The following PTPRU variants were observed in gnomAD, a reference collection of about 807,000 sequenced individuals.
PTPRU encodes receptor-type tyrosine-protein phosphatase U.
Under a neutral mutation model 166.3 loss-of-function variants are expected in PTPRU, and 69 were observed. The observed-to-expected ratio is 0.41, with a 90% confidence interval of 0.34 to 0.51. The LOEUF (loss-of-function observed/expected upper bound fraction) is 0.51. PTPRU is among the 20% of genes least tolerant of loss of function. The pLI, the probability that PTPRU is intolerant of heterozygous loss-of-function variation, is 0.09. For synonymous variants in PTPRU, 793 were observed against 814.0 expected (o/e 0.97, Z 0.44); for missense variants, 1,657 against 2,013.7 (o/e 0.82, Z 3.39).
intron 15 of PTPRU, among the ~76,000 whole-genome samples, chr1:29,302,151 ATGTGTG>A (rs138316498): frequency 0.016 from 2,216 of 142,298 alleles, 68 homozygotes; most frequent in African/African-American, 0.054. Flanking sequence ...GCTAATGTGT[ATGTGTG>A]TGTGTGTGTG....
At position 29,280,675 on chromosome 1, in the gene PTPRU, GTGTGTA is replaced by G; in HGVS notation, c.1868+539_1868+544del. ...TGTGTGTGTGTGTGTGTGTGTGTGT[GTGTGTA>G]TGTGGGATGTGAAACTGGGTGTGTC... is the stretch of plus-strand genomic sequence containing the variant. On this transcript the variant is annotated intron_variant, in intron 11 of 29. Transcript: ENST00000373779. This position sits in a 1 kb window ranked among gnomAD's most constrained non-coding sequence, Gnocchi z 4.2. Among the ~76,000 whole-genome samples the G allele has an allele frequency of 1.3e-5, 2 of 151,898 alleles. No individual in the cohort carries two copies. The highest frequency in any genetic ancestry group is 3.4e-3 in the Middle Eastern group (1 of 294).
In PTPRU at chr1:29,274,639, A is replaced by C. The variant is rs1224296261; in HGVS notation, c.1145-809A>C. Among the ~76,000 whole-genome samples the C allele has an allele frequency of 4.6e-5, 7 of 152,318 alleles. No homozygotes were observed. The East Asian group carries it at 1.3e-3, about 29-fold the overall frequency. On this transcript the variant is annotated intron_variant, in intron 7 of 29. Coordinates refer to ENST00000373779, the MANE Select transcript of PTPRU (RefSeq NM_133178.4). ...TATTATATTATATGTATTACTATAC[A>C]TTGTTTCAGAACAAGTTTGGAATTA...
At chr1:29,293,319 G>A (rs1436070678) in intron 15 of PTPRU, among the ~76,000 whole-genome samples, 1 of 151,816 alleles carries the variant, frequency 6.6e-6, no homozygotes, top group East Asian at 2.0e-4. Context: ...CACCATGTTA[G>A]CCACGCTGTT....
chr1:29,301,105 C>A (rs1274235360), intron 15 of PTPRU, among the ~76,000 whole-genome samples: 1 of 152,096 alleles, frequency 6.6e-6, no homozygotes, highest in Admixed American at 6.5e-5. Context: ...CTGGACCCTG[C>A]CAGCTTAGAT....
intron 1 of PTPRU, among the ~76,000 whole-genome samples, chr1:29,247,527 G>A (rs748516721): frequency 2.6e-5 from 4 of 152,282 alleles, no homozygotes; most frequent in Admixed American, 6.5e-5. Flanking sequence ...CACACTGCTC[G>A]GGTTTGTGCA....
In PTPRU at chr1:29,238,452, G is replaced by A. The variant is rs886435154; in HGVS notation, c.73+1735G>A. Among the ~76,000 whole-genome samples the A allele has an allele frequency of 1.3e-5, 2 of 152,174 alleles. No homozygotes were observed. Among genetic ancestry groups the A allele is most frequent in the African/African-American group, 2.4e-5 (1 of 41,454 alleles). ...GATCCGAGCCGAGACACGTGCTGGA[G>A]CGGAGCCGCTTCCTCACGGTCGCCA... On this transcript the variant is annotated intron_variant, in intron 1 of 29. Transcript: ENST00000373779. This position sits in a 1 kb window ranked among gnomAD's most constrained non-coding sequence, Gnocchi z 6.1.
Position 29,284,849 on chromosome 1 carries a change from C to A in PTPRU, c.2298C>A (p.Ile766=), listed in dbSNP as rs1686269051. 1 of 1,612,600 alleles carries A rather than the reference C, an allele frequency of 6.2e-7. No individual in the cohort carries two copies. ...TCCTCATCCTTCTCCTGGGTGCCATCATTGTCATCATCCGCAAAGGGTGAG... is the reference window on the plus strand; with the variant it reads ...TCCTCATCCTTCTCCTGGGTGCCATAATTGTCATCATCCGCAAAGGGTGAG... The part of the protein sequence containing the change: ...LAVLILLLGA[I]IVIIRKGKPV... Residue 766 remains isoleucine, a synonymous_variant, in exon 14 of 30, where the codon ATC becomes ATA. Coordinates refer to ENST00000373779, the MANE Select transcript of PTPRU (RefSeq NM_133178.4).
Position 29,275,489 on chromosome 1 carries a change from C to A in PTPRU, c.1186C>A (p.Gln396Lys), listed in dbSNP as rs1221081715. ...APKGLAFAEI[Q>K]ARQLTLQWEP... is the part of the protein sequence containing the mutation. ...CAAAGGCCTGGCTTTTGCTGAGATC[C>A]AGGCCCGTCAGCTGACCCTGCAGTG... Residue 396 changes from glutamine to lysine, a missense_variant, in exon 8 of 30, where the codon CAG (glutamine) becomes AAG (lysine). By Grantham distance (53) the Gln-to-Lys change is moderately conservative. Coordinates refer to ENST00000373779, the MANE Select transcript of PTPRU (RefSeq NM_133178.4). 6.2e-7 allele frequency: 1 copy of A among 1,614,168 alleles called. No individual in the cohort carries two copies. Among genetic ancestry groups the A allele is most frequent in the East Asian group, 2.2e-5 (1 of 44,884 alleles).
intron 15 of PTPRU, among the ~76,000 whole-genome samples, chr1:29,292,750 G>A (rs72651208): frequency 0.026 from 3,907 of 151,568 alleles, 70 homozygotes; most frequent in South Asian, 0.076. Flanking sequence ...CATTATCTTG[G>A]TACACCTCCC....
chr1:29,272,042 A>G (rs955500439), intron 7 of PTPRU, among the ~76,000 whole-genome samples: 3 of 152,214 alleles, frequency 2.0e-5, no homozygotes, highest in African/African-American at 7.2e-5. Context: ...CAGTGCACAC[A>G]GGGCAGCCAG....
rs775035994 is a variant in PTPRU at position 29,282,763 on chromosome 1, C to T, written c.1956C>T (p.Thr652=). 2.5e-6 allele frequency: 4 copies of T among 1,614,066 alleles called. No homozygotes were observed. In the South Asian group the frequency reaches 3.3e-5, roughly 13 times the overall value. Residue 652 remains threonine (T), a synonymous_variant, in exon 12 of 30, where the codon ACC becomes ACT. Coordinates refer to ENST00000373779, the MANE Select transcript of PTPRU (RefSeq NM_133178.4). ...AGGACTGCTTCCCAGTGCCATTGAC[C>T]TTCGAGGCGGCGCTGGCCCGAGGCC... ...GGQDCFPVPL[T]FEAALARGLV...
Position 29,279,748 on chromosome 1 carries a change from G to A in PTPRU, c.1765+91G>A, listed in dbSNP as rs1023518518. ...AGAAGGGAAATGGGGGGCATCCTGG[G>A]GGTAGTTACAGAGGGCCCCTGCTGA... On this transcript the variant is annotated intron_variant, in intron 10 of 29. Coordinates refer to ENST00000373779, the MANE Select transcript of PTPRU (RefSeq NM_133178.4). The surrounding 1 kb of genome is among the most constrained non-coding windows in gnomAD (Gnocchi z 5.2). 4.3e-5 allele frequency: 63 copies of A among 1,459,144 alleles called. No homozygotes were observed. The highest frequency in any genetic ancestry group is 5.7e-5 in the Non-Finnish European group (60 of 1,058,044). The allele number at this position is 1,459,144 out of a possible 1,614,324, so 90.4% of individuals were successfully genotyped here.
intron 2 of PTPRU, among the ~76,000 whole-genome samples, chr1:29,258,255 G>A (rs1170646303): frequency 1.3e-5 from 2 of 152,188 alleles, no homozygotes; most frequent in Admixed American, 6.5e-5. Flanking sequence ...GTGAGCCACC[G>A]CGCCCAGCCT....
Position 29,260,012 on chromosome 1 carries a change from G to A in PTPRU, c.818G>A (p.Gly273Asp). The change falls in exon 6 of 30, where the codon GGC (glycine) becomes GAC (aspartate). Residue 273 changes from glycine to aspartate, a missense_variant. By Grantham distance (94) the Gly-to-Asp change is moderately conservative. Around this residue, in one of 3 missense-constraint regions of PTPRU, gnomAD observed 453 missense variants for 496.9 expected, o/e 0.91. Transcript: ENST00000373779. This position sits in a 1 kb window ranked among gnomAD's most constrained non-coding sequence, Gnocchi z 8.3. ...GTGTCCCAGGCCCCGCGCGGCGCGGGCGTCTCTAACTTCGCGGAGCTCATC... is the reference window on the plus strand; with the variant it reads ...GTGTCCCAGGCCCCGCGCGGCGCGGACGTCTCTAACTTCGCGGAGCTCATC... ...RCVSQAPRGA[G>D]VSNFAELIVK... 6.7e-7 allele frequency: 1 copy of A among 1,484,864 alleles called. No individual in the cohort carries two copies. The highest frequency in any genetic ancestry group is 2.3e-5 in the Admixed American group (1 of 42,646). The allele number at this position is 1,484,864 out of a possible 1,614,324, so 92.0% of individuals were successfully genotyped here.
rs1242406789 is a variant in PTPRU at position 29,236,639 on chromosome 1, C to G, written c.-6C>G. ...GGGCCCCGGGACGGGCGGCGACGCT[C>G]CAACCATGGCCCGTGCCCAGGCGCT... On this transcript the variant is annotated 5_prime_UTR_variant, in exon 1 of 30. Transcript: ENST00000373779. This position sits in a 1 kb window ranked among gnomAD's most constrained non-coding sequence, Gnocchi z 4.6. 4 of 1,288,866 alleles carry G rather than the reference C, an allele frequency of 3.1e-6. No homozygotes were observed. Among genetic ancestry groups the G allele is most frequent in the Non-Finnish European group, 3.9e-6 (4 of 1,015,260 alleles). 79.8% of individuals were successfully genotyped at this position (1,288,866 alleles called of 1,614,324 possible).
intron 1 of PTPRU, among the ~76,000 whole-genome samples, chr1:29,241,418 A>G (rs1290784574): frequency 1.3e-5 from 2 of 151,748 alleles, no homozygotes; most frequent in Admixed American, 1.3e-4. Flanking sequence ...GTGTCCAGGT[A>G]TGGGGCTGGC....
rs765826238 is a variant in PTPRU, at chr1:29,325,739, C to T, written c.*78C>T. ...CTGGACTGGCGAGGAAGATCAGTGC[C>T]TCCTGCTCTGCCCAAACACACTCCC... On this transcript the variant is annotated 3_prime_UTR_variant, in exon 30 of 30. Transcript: ENST00000373779. 1.4e-6 allele frequency: 2 copies of T among 1,404,166 alleles called. No homozygotes were observed. The highest frequency in any genetic ancestry group is 1.3e-5 in the South Asian group (1 of 74,478). 87.0% of individuals were successfully genotyped at this position (1,404,166 alleles called of 1,614,324 possible).
In PTPRU at chr1:29,259,158, G is replaced by A. The variant is rs572349938; in HGVS notation, c.478-103G>A. The A allele has an allele frequency of 8.0e-5, 101 of 1,267,998 alleles. 1 individual carries two copies. The South Asian group carries it at 1.2e-3, about 15-fold the overall frequency. The allele number at this position is 1,267,998 out of a possible 1,614,324, so 78.5% of individuals were successfully genotyped here. A position where few individuals can be genotyped will look rare whatever the true frequency, so the allele number is the denominator to read the frequency against. On this transcript the variant is annotated intron_variant, in intron 3 of 29. Transcript: ENST00000373779. ...GTCAGTGTGAGCTGGGCTGACCTCT[G>A]CTAGTTGAGGCAGAGGAGGCTGAGG...
chr1:29,316,109 T>C lies in PTPRU; in HGVS notation c.3471T>C (p.Ile1157=), dbSNP rs754412601. 6.2e-7 allele frequency: 1 copy of C among 1,614,184 alleles called. No individual in the cohort carries two copies. The highest frequency in any genetic ancestry group is 8.5e-7 in the Non-Finnish European group (1 of 1,180,032). ...FKATYKEMIR[I]DPQSNSSQLR... ...CCACCTACAAGGAGATGATCCGCAT[T>C]GATCCTCAGAGTAATTCCTCCCAGC... The change falls in exon 24 of 30, where the codon ATT becomes ATC. Residue 1157 remains isoleucine (I), a synonymous_variant. Transcript: ENST00000373779.
Sources: gnomAD v4.1 joint callset for allele counts (sites outside exome capture counted in the v4.1 genomes callset) on GRCh38, gnomAD v4.1.1 for gene constraint, gnomAD v4.1.1 regional missense constraint, Gnocchi (gnomAD v3.1) non-coding constraint, MANE v1.5 for transcripts, NCBI Gene and HGNC (gene_info 2026-07-23, HGNC 2026-07-21) for gene names.